Variants in LARGE1 observed in about 807,000 individuals in gnomAD.
The protein encoded by LARGE1 is xylosyl- and glucuronyltransferase LARGE1.
Under a neutral mutation model 87.6 loss-of-function variants are expected in LARGE1, and 43 were observed. The ratio of observed to expected loss-of-function variants is 0.49; its 90% CI spans 0.38 to 0.63. The LOEUF (loss-of-function observed/expected upper bound fraction) is 0.63, where lower values mean the gene tolerates loss of function less well. Ranked by LOEUF, LARGE1 falls within the 30% of genes least tolerant of loss-of-function variation. The pLI is 0.00. For missense variants in LARGE1, 802 were observed against 1,000.2 expected (o/e 0.80, Z 2.67); for synonymous variants, 434 against 394.6 (o/e 1.10, Z -1.18).
intron 9 of LARGE1, among the ~76,000 whole-genome samples, chr22:33,365,136 G>A (rs1454521887): frequency 6.6e-6 from 1 of 152,054 alleles, no homozygotes; most frequent in South Asian, 2.1e-4. Flanking sequence ...TTCATCAGGA[G>A]GACACAGGCC....
chr22:33,505,054 CAGTACTGAAAGTTAA>C (rs2070697630), intron 6 of LARGE1, among the ~76,000 whole-genome samples: 1 of 152,240 alleles, frequency 6.6e-6, no homozygotes, highest in Admixed American at 6.5e-5. Flanking sequence ...TCTAACTCCT[CAGTACTGAAAGTTAA>C]AGCCGCTCAA....
intron 6 of LARGE1, among the ~76,000 whole-genome samples, chr22:33,502,498 C>A (rs4821153): frequency 0.81 from 123,283 of 152,100 alleles, 50,183 homozygotes; most frequent in East Asian, 0.95. Flanking sequence ...GGAGTGGAGG[C>A]CTGCCTTTCT....
chr22:33,658,584 C>T (rs1358605830), intron 2 of LARGE1, among the ~76,000 whole-genome samples: 1 of 152,196 alleles, frequency 6.6e-6, no homozygotes, highest in African/African-American at 2.4e-5. Context: ...TAATGGCTTC[C>T]AGCTTCATCC....
rs557370631 is a variant in LARGE1 at position 33,764,822 on chromosome 22, A to G, written c.-82-3264T>C. Among the ~76,000 whole-genome samples the G allele has an allele frequency of 1.3e-4, 20 of 152,360 alleles. 1 individual carries two copies. The South Asian group carries it at 3.9e-3, about 30-fold the overall frequency. ...ATACCGAAGGCAATGTGAATGCTAC[A>G]TAAATAGTTATACCGTATTGTTTAG... On this transcript the variant is annotated intron_variant, in intron 1 of 14. Transcript: ENST00000397394.
chr22:33,793,754 C>T (rs2085893188), intron 1 of LARGE1, among the ~76,000 whole-genome samples: 2 of 151,282 alleles, frequency 1.3e-5, no homozygotes, highest in Non-Finnish European at 2.9e-5. Flanking sequence ...CACTGCAGAT[C>T]TCTGTTTTCT....
At chr22:33,862,502 G>T (rs2063960767) in intron 1 of LARGE1, among the ~76,000 whole-genome samples, 1 of 152,214 alleles carries the variant, frequency 6.6e-6, no homozygotes, top group South Asian at 2.1e-4. Context: ...CAGTGCTGTG[G>T]CCTGGGCTCC....
At chr22:33,220,329 G>A (rs139651280) in intron 11 of LARGE1, among the ~76,000 whole-genome samples, 7 of 152,282 alleles carry the variant, frequency 4.6e-5, no homozygotes, top group African/African-American at 1.4e-4. Flanking sequence ...TATGTTTGCT[G>A]TTTTGTCAGC....
intron 11 of LARGE1, among the ~76,000 whole-genome samples, chr22:33,210,791 T>A (rs1924922501): frequency 6.6e-6 from 1 of 152,200 alleles, no homozygotes; most frequent in Non-Finnish European, 1.5e-5. Context: ...TCTCCCCTGT[T>A]CCCAGGCTGC....
intron 6 of LARGE1, among the ~76,000 whole-genome samples, chr22:33,552,963 G>T (rs541494687): frequency 9.9e-5 from 15 of 152,214 alleles, no homozygotes; most frequent in African/African-American, 3.4e-4. Flanking sequence ...CCAGGTCTTG[G>T]AATCATCCCA....
In LARGE1 at chr22:33,257,998, G is replaced by A. The variant is rs1180611364; in HGVS notation, c.1730+46231C>T. ...GGTGCTGTGAGAGCATAGGTTGGGG[G>A]GATTTACCTGGATGGGGGGATCAAG... On this transcript the variant is annotated intron_variant, in intron 11 of 11. Coordinates refer to the LARGE1 transcript ENST00000608642. Among the ~76,000 whole-genome samples, 28 of 150,812 alleles carry A rather than the reference G, an allele frequency of 1.9e-4. 1 individual carries two copies. Among genetic ancestry groups the A allele is most frequent in the Non-Finnish European group, 3.0e-5 (2 of 67,688 alleles).
intron 1 of LARGE1, among the ~76,000 whole-genome samples, chr22:33,918,595 AC>A (rs1226298366): frequency 6.6e-6 from 1 of 152,178 alleles, no homozygotes; most frequent in Non-Finnish European, 1.5e-5. Flanking sequence ...CCTAGGGAGG[AC>A]CAAGCGTGCC....
the LARGE1 span, among the ~76,000 whole-genome samples, chr22:33,115,298 G>C: frequency 6.6e-6 from 1 of 152,116 alleles, no homozygotes; most frequent in Non-Finnish European, 1.5e-5. Context: ...CCAAGGCCAG[G>C]CCGGGCACAG....
intron 6 of LARGE1, among the ~76,000 whole-genome samples, chr22:33,485,068 C>T (rs893383107): frequency 2.6e-5 from 4 of 151,694 alleles, no homozygotes; most frequent in Non-Finnish European, 5.9e-5. Context: ...CCCACCACCA[C>T]GCCCGGCTAA....
chr22:33,921,092 G>C (rs8141308), upstream of LARGE1, among the ~76,000 whole-genome samples: 149,349 of 150,600 alleles, frequency 0.99, 74,054 homozygotes, highest in Middle Eastern at 1. The surrounding 1 kb of genome is among the most constrained non-coding windows in gnomAD (Gnocchi z 4.1). Flanking sequence ...CGGCGCCCGC[G>C]TCGGCGCCCG....
At chr22:33,778,178 G>A (rs1435775135) in intron 1 of LARGE1, among the ~76,000 whole-genome samples, 3 of 152,170 alleles carry the variant, frequency 2.0e-5, no homozygotes, top group Admixed American at 2.0e-4. Flanking sequence ...GTCTCTATAA[G>A]GATAAAGCAC....
At chr22:33,869,632 A>G (rs2064215406) in intron 1 of LARGE1, among the ~76,000 whole-genome samples, 1 of 152,184 alleles carries the variant, frequency 6.6e-6, no homozygotes, top group South Asian at 2.1e-4. Context: ...AAGCACTCGC[A>G]TGTCCAGACC....
chr22:33,538,942 G>T (rs922582377), intron 6 of LARGE1, among the ~76,000 whole-genome samples: 1 of 152,146 alleles, frequency 6.6e-6, no homozygotes, highest in Admixed American at 6.6e-5. Flanking sequence ...ACATTTGAAG[G>T]TTGTGAAAAT....
intron 6 of LARGE1, among the ~76,000 whole-genome samples, chr22:33,457,659 T>C (rs1302895770): frequency 6.6e-6 from 1 of 152,158 alleles, no homozygotes; most frequent in Non-Finnish European, 1.5e-5. Flanking sequence ...AAAAAAGGAA[T>C]GTAAGTAAAA....
At chr22:33,166,065 A>G (rs1191058434) in exon 12 of LARGE1, 1 of 152,268 alleles carries the variant, frequency 6.6e-6, no homozygotes, top group African/African-American at 2.4e-5. Flanking sequence ...GATGCTTATG[A>G]TGATTCTTGA....
Sources: gnomAD v4.1 joint callset for allele counts (sites outside exome capture counted in the v4.1 genomes callset) on GRCh38, gnomAD v4.1.1 for gene constraint, Gnocchi (gnomAD v3.1) non-coding constraint, MANE v1.5 for transcripts, NCBI Gene and HGNC (gene_info 2026-07-23, HGNC 2026-07-21) for gene names.